NAALADL2: variants seen among roughly 807,000 people sequenced by gnomAD.
NAALADL2 encodes the protein N-acetylated alpha-linked acidic dipeptidase like 2, also known as inactive N-acetylated-alpha-linked acidic dipeptidase-like protein 2.
In NAALADL2, 76 loss-of-function variants were observed where a neutral mutation model predicts 87.2. The observed-to-expected ratio is 0.87, with a 90% CI of 0.72 to 1.05. The LOEUF is 1.05. Ranked by LOEUF, NAALADL2 falls within the 50% of genes least tolerant of loss-of-function variation. NAALADL2 has a pLI of 0.00. For synonymous variants in NAALADL2, 354 were observed against 331.0 expected, an observed-to-expected ratio of 1.07 and a Z score of -0.75; for missense variants, 1,089 against 945.8, an observed-to-expected ratio of 1.15 and a Z score of -1.99.
intron 1 of NAALADL2, among the ~76,000 whole-genome samples, chr3:174,903,248 C>G (rs541747236): frequency 2.6e-5 from 4 of 152,146 alleles, no homozygotes; most frequent in African/African-American, 9.6e-5. Context: ...CCAAGAAATA[C>G]TACTTAATTG....
At chr3:175,629,301 CAT>C (rs1270499395) in intron 11 of NAALADL2, among the ~76,000 whole-genome samples, 3 of 148,564 alleles carry the variant, frequency 2.0e-5, no homozygotes, top group Non-Finnish European at 3.0e-5. Flanking sequence ...CGCAGACACA[CAT>C]AGACACACAC....
At chr3:175,044,834 T>C (rs1465652121) in intron 1 of NAALADL2, among the ~76,000 whole-genome samples, 1 of 152,118 alleles carries the variant, frequency 6.6e-6, no homozygotes, top group African/African-American at 2.4e-5. Context: ...TTACTGCTTC[T>C]TATCACCGAC....
intron 1 of NAALADL2, among the ~76,000 whole-genome samples, chr3:174,527,047 C>G (rs1479199565): frequency 6.6e-6 from 1 of 151,644 alleles, no homozygotes; most frequent in Non-Finnish European, 1.5e-5. Context: ...ATTATCTGTT[C>G]ACAATTTTGA....
chr3:175,175,435 A>C (rs1471124845), intron 2 of NAALADL2, among the ~76,000 whole-genome samples: 1 of 152,084 alleles, frequency 6.6e-6, no homozygotes, highest in East Asian at 1.9e-4. Context: ...GTCCTTTGTT[A>C]TGTTACATTT....
intron 5 of NAALADL2, among the ~76,000 whole-genome samples, chr3:175,355,341 A>G (rs1489704919): frequency 6.6e-6 from 1 of 152,114 alleles, no homozygotes; most frequent in Non-Finnish European, 1.5e-5. Context: ...AAGTGCTGTG[A>G]TTACAGGTGT....
At chr3:174,603,056 T>A (rs568312719) in intron 2 of NAALADL2, among the ~76,000 whole-genome samples, 1 of 152,212 alleles carries the variant, frequency 6.6e-6, no homozygotes, top group Admixed American at 6.5e-5. Context: ...ATCAGTGATA[T>A]TGGCCTGTAG....
At chr3:175,510,284 C>T (rs1654670319) in intron 9 of NAALADL2, among the ~76,000 whole-genome samples, 1 of 152,098 alleles carries the variant, frequency 6.6e-6, no homozygotes, top group African/African-American at 2.4e-5. Context: ...TACCTCCCAC[C>T]AGCTCTCTCC....
chr3:174,797,469 C>A (rs529240497), intron 3 of NAALADL2, among the ~76,000 whole-genome samples: 2 of 151,742 alleles, frequency 1.3e-5, no homozygotes, highest in East Asian at 3.9e-4. Context: ...TTCCACCACG[C>A]CTGGCTAATT....
intron 13 of NAALADL2, among the ~76,000 whole-genome samples, chr3:175,760,344 C>T (rs1747837884): frequency 6.6e-6 from 1 of 152,104 alleles, no homozygotes; most frequent in Non-Finnish European, 1.5e-5. Flanking sequence ...GCTCTACAGA[C>T]TATTAAGCCT....
intron 2 of NAALADL2, among the ~76,000 whole-genome samples, chr3:175,211,847 A>G (rs1406204619): frequency 6.6e-6 from 1 of 152,068 alleles, no homozygotes; most frequent in Admixed American, 6.6e-5. Context: ...TAATGTATTC[A>G]TTACGAAAAA....
At chr3:175,338,264 G>A (rs1247325571) in intron 5 of NAALADL2, among the ~76,000 whole-genome samples, 1 of 152,012 alleles carries the variant, frequency 6.6e-6, no homozygotes, top group African/African-American at 2.4e-5. Context: ...CCATGCGATG[G>A]GAAGAATCTG....
intron 1 of NAALADL2, among the ~76,000 whole-genome samples, chr3:175,050,702 C>T (rs1047858666): frequency 2.6e-5 from 4 of 151,994 alleles, no homozygotes; most frequent in African/African-American, 9.7e-5. Flanking sequence ...TAAAGTTTTT[C>T]TAAATGTAAC....
intron 2 of NAALADL2, among the ~76,000 whole-genome samples, chr3:175,128,725 G>A (rs1727343471): frequency 6.6e-6 from 1 of 152,042 alleles, no homozygotes; most frequent in African/African-American, 2.4e-5. Flanking sequence ...GATTCTTTGT[G>A]ATTTATATAG....
chr3:174,962,381 T>TATATATATATATGTCATAGTCACTATGAC, intron 1 of NAALADL2, among the ~76,000 whole-genome samples: 1 of 114,860 alleles, frequency 8.7e-6, no homozygotes, highest in African/African-American at 4.8e-5. Flanking sequence ...CATATATATA[T>TATATATATATATGTCATAGTCACTATGAC]ATATATATAT....
intron 11 of NAALADL2, among the ~76,000 whole-genome samples, chr3:175,706,460 G>T (rs373581942): frequency 1.1e-3 from 160 of 152,168 alleles, no homozygotes; most frequent in African/African-American, 3.7e-3. Context: ...TAATAAAAAG[G>T]TATGTGAACA....
chr3:175,588,326 G>A (rs1720841707), intron 10 of NAALADL2, among the ~76,000 whole-genome samples: 1 of 152,052 alleles, frequency 6.6e-6, no homozygotes, highest in East Asian at 1.9e-4. Context: ...CTGTTCAGTG[G>A]TTGTGACCAG....
At chr3:174,575,229 T>G (rs535836316) in intron 2 of NAALADL2, among the ~76,000 whole-genome samples, 1 of 152,280 alleles carries the variant, frequency 6.6e-6, no homozygotes, top group East Asian at 1.9e-4. Context: ...TCAAGTAGTA[T>G]TTTTATGAAT....
chr3:174,781,197 G>A (rs1715939091), intron 3 of NAALADL2, among the ~76,000 whole-genome samples: 1 of 151,942 alleles, frequency 6.6e-6, no homozygotes, highest in South Asian at 2.1e-4. Context: ...CTTTCTCTCT[G>A]GCTGCCATTA....
At chr3:175,180,656 C>T (rs13080967) in intron 2 of NAALADL2, among the ~76,000 whole-genome samples, 41,428 of 150,354 alleles carry the variant, frequency 0.28, 6,214 homozygotes, top group Non-Finnish European at 0.33. Context: ...AGAAAGAGGA[C>T]TTACAACATT....
Sources: gnomAD v4.1 joint callset for allele counts (sites outside exome capture counted in the v4.1 genomes callset) on GRCh38, gnomAD v4.1.1 for gene constraint, MANE v1.5 for transcripts, NCBI Gene and HGNC (gene_info 2026-07-23, HGNC 2026-07-21) for gene names.